Variants in GABRG3 observed in about 807,000 individuals in gnomAD.
GABRG3 encodes gamma-aminobutyric acid type A receptor subunit gamma3, also known as gamma-aminobutyric acid receptor subunit gamma-3.
GABRG3 carries 25 observed loss-of-function variants against 48.8 expected under a neutral mutation model. The ratio of observed to expected loss-of-function variants is 0.51; its 90% CI spans 0.37 to 0.72. The LOEUF (loss-of-function observed/expected upper bound fraction) is 0.72, where lower values mean the gene tolerates loss of function less well. GABRG3 is among the 30% of genes least tolerant of loss of function. GABRG3 has a pLI of 0.00. For missense variants in GABRG3, 394 were observed against 577.9 expected (o/e 0.68, Z 3.26); for synonymous variants, 227 against 217.6 (o/e 1.04, Z -0.38).
chr15:27,531,026 A>G (rs1891411044), intron 9 of GABRG3: 1 of 260,482 alleles, frequency 3.8e-6, no homozygotes, highest in Non-Finnish European at 7.7e-6. Context: ...CACTCGGGAC[A>G]AAGAACATTA....
chr15:27,247,096 G>A (rs1890293703), intron 3 of GABRG3, among the ~76,000 whole-genome samples: 1 of 152,140 alleles, frequency 6.6e-6, no homozygotes, highest in Admixed American at 6.5e-5. Flanking sequence ...GCACCACCAT[G>A]CTGAGCTAAT....
At chr15:27,075,223 T>G (rs905668944) in intron 3 of GABRG3, among the ~76,000 whole-genome samples, 1 of 152,230 alleles carries the variant, frequency 6.6e-6, no homozygotes, top group African/African-American at 2.4e-5. Context: ...CCTCTTTTAT[T>G]GAGCAAAACA....
intron 5 of GABRG3, among the ~76,000 whole-genome samples, chr15:27,371,967 C>T (rs528686694): frequency 4.1e-4 from 63 of 152,166 alleles, no homozygotes; most frequent in African/African-American, 1.5e-3. Flanking sequence ...AAGAAATAGT[C>T]CTAGTAAATA....
intron 2 of GABRG3, among the ~76,000 whole-genome samples, chr15:27,017,236 G>A (rs1362806740): frequency 1.3e-5 from 2 of 152,218 alleles, no homozygotes; most frequent in South Asian, 2.1e-4. Context: ...CTGGGGATGC[G>A]TACTCCCCGG....
intron 5 of GABRG3, among the ~76,000 whole-genome samples, chr15:27,424,797 G>C (rs1888241479): frequency 6.6e-6 from 1 of 152,108 alleles, no homozygotes; most frequent in East Asian, 1.9e-4. Context: ...CAGGTAGTCT[G>C]CCCGTCTTGG....
chr15:27,218,773 A>C (rs948445029), intron 3 of GABRG3, among the ~76,000 whole-genome samples: 3 of 152,092 alleles, frequency 2.0e-5, no homozygotes, highest in Admixed American at 6.5e-5. Context: ...TTGATTTTGA[A>C]CCGCTGCGAC....
intron 3 of GABRG3, among the ~76,000 whole-genome samples, chr15:27,102,922 C>T (rs552053166): frequency 2.0e-5 from 3 of 152,118 alleles, no homozygotes; most frequent in Non-Finnish European, 4.4e-5. Context: ...CCAGGAAGAA[C>T]AAATAAAACT....
intron 3 of GABRG3, among the ~76,000 whole-genome samples, chr15:27,071,649 C>T (rs574414429): frequency 1.2e-3 from 183 of 152,320 alleles, no homozygotes; most frequent in African/African-American, 4.2e-3. Flanking sequence ...GGCTGTAGTA[C>T]GGTGAGGCTG....
chr15:27,308,578 A>T (rs569477600), intron 3 of GABRG3, among the ~76,000 whole-genome samples: 1 of 147,558 alleles, frequency 6.8e-6, no homozygotes, highest in African/African-American at 2.4e-5. Flanking sequence ...AACATAATGT[A>T]AACATACATT....
At chr15:27,449,859 A>G (rs1370585514) in intron 5 of GABRG3, among the ~76,000 whole-genome samples, 1 of 152,196 alleles carries the variant, frequency 6.6e-6, no homozygotes, top group Non-Finnish European at 1.5e-5. Context: ...TGTGTTCTCA[A>G]ATGCTTGCTG....
At chr15:27,221,906 A>G (rs1042649614) in intron 3 of GABRG3, among the ~76,000 whole-genome samples, 2 of 152,196 alleles carry the variant, frequency 1.3e-5, no homozygotes, top group Non-Finnish European at 2.9e-5. Flanking sequence ...AGGAGTTTGT[A>G]TGATTGTCCC....
intron 5 of GABRG3, among the ~76,000 whole-genome samples, chr15:27,382,953 T>C (rs1022790026): frequency 3.9e-5 from 6 of 152,146 alleles, no homozygotes; most frequent in African/African-American, 1.2e-4. Context: ...AATCCTAAAT[T>C]CAATGCAGAG....
At chr15:27,088,304 C>G (rs1275414186) in intron 3 of GABRG3, among the ~76,000 whole-genome samples, 5 of 150,786 alleles carry the variant, frequency 3.3e-5, no homozygotes, top group Admixed American at 2.6e-4. Context: ...GAAGTGGTGG[C>G]TAAAGGTGGG....
At chr15:27,061,132 A>G (rs994756120) in intron 3 of GABRG3, among the ~76,000 whole-genome samples, 18 of 152,232 alleles carry the variant, frequency 1.2e-4, no homozygotes, top group African/African-American at 3.4e-4. Context: ...TCTTCTCCCA[A>G]TAAGGTAAAC....
At chr15:27,000,020 C>T (rs1471838610) in intron 2 of GABRG3, among the ~76,000 whole-genome samples, 2 of 152,004 alleles carry the variant, frequency 1.3e-5, no homozygotes, top group Non-Finnish European at 2.9e-5. Context: ...AAAATTTTTT[C>T]AACATATGGA....
intron 5 of GABRG3, among the ~76,000 whole-genome samples, chr15:27,356,007 G>A (rs578176298): frequency 6.6e-6 from 1 of 152,170 alleles, no homozygotes; most frequent in Admixed American, 6.5e-5. Context: ...GTTGTTTTTT[G>A]GAGTGATGGA....
intron 3 of GABRG3, among the ~76,000 whole-genome samples, chr15:27,128,343 C>T (rs1209828586): frequency 7.2e-5 from 11 of 152,192 alleles, no homozygotes; most frequent in African/African-American, 2.4e-4. Context: ...TCACCACACA[C>T]GTCTCCCTTC....
chr15:27,442,396 C>T (rs938446616), intron 5 of GABRG3, among the ~76,000 whole-genome samples: 3 of 152,210 alleles, frequency 2.0e-5, no homozygotes, highest in Admixed American at 6.5e-5. Flanking sequence ...GGCTGAGAGA[C>T]GGACCAAAGG....
intron 5 of GABRG3, among the ~76,000 whole-genome samples, chr15:27,369,898 C>A (rs1895349469): frequency 6.6e-6 from 1 of 150,954 alleles, no homozygotes; most frequent in Non-Finnish European, 1.5e-5. Flanking sequence ...CCACCGTCCT[C>A]TTTTCTCACC....
Sources: gnomAD v4.1 joint callset for allele counts (sites outside exome capture counted in the v4.1 genomes callset) on GRCh38, gnomAD v4.1.1 for gene constraint, MANE v1.5 for transcripts, NCBI Gene and HGNC (gene_info 2026-07-23, HGNC 2026-07-21) for gene names.